The following THSD4 variants were observed in gnomAD, a reference collection of about 807,000 sequenced individuals.
The protein encoded by THSD4 is thrombospondin type 1 domain containing 4.
A neutral mutation model predicts 119.0 loss-of-function variants in THSD4; 69 were observed. The observed-to-expected ratio is 0.58, with a 90% CI of 0.48 to 0.71. The LOEUF (loss-of-function observed/expected upper bound fraction) is 0.71. THSD4 is among the 30% of genes least tolerant of loss of function. THSD4 has a pLI of 0.00. For synonymous variants in THSD4, 524 were observed against 540.4 expected (o/e 0.97, Z 0.42); for missense variants, 1,393 against 1,391.1 (o/e 1.00, Z -0.02).
chr15:71,313,713 T>C (rs1345631913), intron 6 of THSD4, among the ~76,000 whole-genome samples: 5 of 152,194 alleles, frequency 3.3e-5, no homozygotes, highest in African/African-American at 1.2e-4. Flanking sequence ...ATTTTTTACT[T>C]TTTGATTTTT....
intron 8 of THSD4, among the ~76,000 whole-genome samples, chr15:71,710,593 C>T (rs1320319912): frequency 3.9e-5 from 6 of 152,176 alleles, no homozygotes; most frequent in Admixed American, 1.3e-4. Flanking sequence ...GTAAGACCCA[C>T]CTCATCTGGC....
chr15:71,383,786 G>T (rs555018125), intron 6 of THSD4, among the ~76,000 whole-genome samples: 25 of 152,190 alleles, frequency 1.6e-4, no homozygotes, highest in African/African-American at 6.0e-4. Context: ...AAAAATACAG[G>T]ATAACAATCA....
chr15:71,203,193 TA>T (rs1299609830), intron 3 of THSD4, among the ~76,000 whole-genome samples: 1 of 151,856 alleles, frequency 6.6e-6, no homozygotes, highest in Non-Finnish European at 1.5e-5. Context: ...GGTGTGAGCA[TA>T]GGGGGACAGA....
intron 6 of THSD4, among the ~76,000 whole-genome samples, chr15:71,377,888 A>ACC (rs2046166015): frequency 1.3e-5 from 1 of 75,628 alleles, no homozygotes; most frequent in Non-Finnish European, 2.8e-5. Context: ...ACACACACAC[A>ACC]CACACACACA....
chr15:71,210,120 A>C (rs1488586418), intron 3 of THSD4, among the ~76,000 whole-genome samples: 1 of 152,202 alleles, frequency 6.6e-6, no homozygotes, highest in Non-Finnish European at 1.5e-5. Flanking sequence ...TCACATGTAC[A>C]CAGTGCAGAA....
At chr15:71,404,869 CCTTTCTTTTCTTT>C (rs1178798082) in intron 6 of THSD4, among the ~76,000 whole-genome samples, 4 of 145,508 alleles carry the variant, frequency 2.7e-5, no homozygotes, top group Non-Finnish European at 6.0e-5. Context: ...TCTTTTCTTT[CCTTTCTTTTCTTT>C]CTTTCTTTTC....
chr15:71,449,368 G>A (rs1274050499), intron 7 of THSD4, among the ~76,000 whole-genome samples: 1 of 152,136 alleles, frequency 6.6e-6, no homozygotes, highest in African/African-American at 2.4e-5. Context: ...TCAGACACTG[G>A]TGAAGAACAT....
At chr15:71,694,782 C>T in intron 8 of THSD4, among the ~76,000 whole-genome samples, 1 of 152,146 alleles carries the variant, frequency 6.6e-6, no homozygotes, top group East Asian at 1.9e-4. Context: ...AACTCTGAGA[C>T]AGTCCATAGC....
chr15:71,543,243 A>C (rs1252182117), intron 7 of THSD4, among the ~76,000 whole-genome samples: 1 of 152,188 alleles, frequency 6.6e-6, no homozygotes, highest in South Asian at 2.1e-4. Context: ...TGTAAACCTA[A>C]AGTTATTTCA....
rs376497737 is a variant in THSD4 at position 71,377,867 on chromosome 15, A to AACACACAC, written c.1016-33780_1016-33773dup. Among the ~76,000 whole-genome samples, 31 of 86,340 alleles carry AACACACAC rather than the reference A, an allele frequency of 3.6e-4. 1 individual carries two copies. Among genetic ancestry groups the AACACACAC allele is most frequent in the African/African-American group, 9.1e-4 (21 of 23,174 alleles). 56.6% of individuals were successfully genotyped at this position (86,340 alleles called of 152,430 possible). A position where few individuals can be genotyped will look rare whatever the true frequency, so the allele number is the denominator to read the frequency against. On this transcript the variant is annotated intron_variant, in intron 6 of 17. Coordinates refer to ENST00000261862, the MANE Select transcript of THSD4 (RefSeq NM_024817.3). ...CTTCTCTATTCCCGGACATATCCAC[A>AACACACAC]ACACACACACACACACACACACACA...
At chr15:71,112,150 C>T (rs1342610534), upstream of THSD4, 10 of 1,613,686 alleles carry the variant, frequency 6.2e-6, no homozygotes, top group Admixed American at 3.3e-5. Flanking sequence ...GCCCTCACCA[C>T]GTGCAGACGC....
intron 7 of THSD4, among the ~76,000 whole-genome samples, chr15:71,451,161 G>A (rs1301513440): frequency 6.6e-6 from 1 of 152,140 alleles, no homozygotes; most frequent in Non-Finnish European, 1.5e-5. Flanking sequence ...CTGGGCAACA[G>A]AGCAAGACTC....
intron 7 of THSD4, among the ~76,000 whole-genome samples, chr15:71,591,680 A>C (rs1268075823): frequency 6.6e-6 from 1 of 152,066 alleles, no homozygotes; most frequent in Non-Finnish European, 1.5e-5. Flanking sequence ...CTTCTGCAAG[A>C]ATGTTTGCAA....
At chr15:71,315,744 G>T (rs1323355001) in intron 6 of THSD4, among the ~76,000 whole-genome samples, 2 of 152,214 alleles carry the variant, frequency 1.3e-5, no homozygotes, top group Non-Finnish European at 2.9e-5. Flanking sequence ...TGACTCCCTT[G>T]TTCAAAGTTG....
At chr15:71,404,898 TTTTC>T (rs1434665871) in intron 6 of THSD4, among the ~76,000 whole-genome samples, 7 of 77,248 alleles carry the variant, frequency 9.1e-5, no homozygotes, top group South Asian at 4.0e-4. Context: ...TTTTCTTTGC[TTTTC>T]TTTTTTGACA....
chr15:71,170,649 T>G (rs945624459), intron 3 of THSD4, among the ~76,000 whole-genome samples: 88 of 152,310 alleles, frequency 5.8e-4, no homozygotes, highest in African/African-American at 2.0e-3. Flanking sequence ...ATGTCTAGCA[T>G]TTAGTCAAAG....
At chr15:71,580,875 G>A (rs987109723) in intron 7 of THSD4, among the ~76,000 whole-genome samples, 5 of 151,808 alleles carry the variant, frequency 3.3e-5, no homozygotes, top group African/African-American at 7.3e-5. Context: ...ATATGTGTGT[G>A]TGTATATATC....
chr15:71,514,233 A>G (rs1360993250), intron 7 of THSD4, among the ~76,000 whole-genome samples: 3 of 152,194 alleles, frequency 2.0e-5, no homozygotes, highest in Admixed American at 6.5e-5. Flanking sequence ...AAGGAAAGGC[A>G]GAAGTCACTG....
At chr15:71,341,815 C>G in intron 6 of THSD4, 1 of 737,428 alleles carries the variant, frequency 1.4e-6, no homozygotes, top group Admixed American at 1.9e-5. Context: ...TCCTTCCTTT[C>G]CTTTCATTTG....
Sources: allele counts gnomAD v4.1 joint callset (sites outside exome capture counted in the v4.1 genomes callset), GRCh38; gene constraint gnomAD v4.1.1; transcripts MANE v1.5; gene names NCBI Gene and HGNC (gene_info 2026-07-23, HGNC 2026-07-21).